Variants in NUCKS1 observed in about 807,000 individuals in gnomAD.
NUCKS1 encodes the protein nuclear casein kinase and cyclin dependent kinase substrate 1.
A neutral mutation model predicts 33.0 loss-of-function variants in NUCKS1; 2 were observed. The observed-to-expected ratio is 0.06, with a 90% confidence interval of 0.02 to 0.19. NUCKS1 has a LOEUF of 0.19. Among genes scored for constraint, NUCKS1 ranks in the 10% least tolerant of loss-of-function variants. The probability of loss-of-function intolerance (pLI) is 1.00; values close to 1 mark genes in which losing one functional copy is unlikely to be tolerated. For missense variants in NUCKS1, 201 were observed against 293.6 expected (o/e 0.68, Z 2.31); for synonymous variants, 106 against 102.8 (o/e 1.03, Z -0.19).
Position 205,717,815 on chromosome 1 carries a change from A to G in NUCKS1, c.*465T>C, listed in dbSNP as rs1278011647. ...TGATTTTTTAAAAGTCCAGGTAGAG[A>G]AAGGAGCAATCATTTTGAACTAAAA... On this transcript the variant is annotated 3_prime_UTR_variant, in exon 7 of 7. Coordinates refer to ENST00000367142, the MANE Select transcript of NUCKS1 (RefSeq NM_022731.5). 1 of 985,430 alleles carries G rather than the reference A, an allele frequency of 1.0e-6. No homozygotes were observed. The highest frequency in any genetic ancestry group is 1.2e-6 in the Non-Finnish European group (1 of 829,900). 61.0% of individuals were successfully genotyped at this position (985,430 alleles called of 1,614,324 possible). A position where few individuals can be genotyped will look rare whatever the true frequency, so the allele number is the denominator to read the frequency against.
In NUCKS1 at chr1:205,750,069, A is replaced by C; in HGVS notation, c.-96T>G. 1.1e-5 allele frequency: 11 copies of C among 956,908 alleles called. No homozygotes were observed. The highest frequency in any genetic ancestry group is 1.4e-5 in the Non-Finnish European group (10 of 733,730). 59.3% of individuals were successfully genotyped at this position (956,908 alleles called of 1,614,324 possible). A position where few individuals can be genotyped will look rare whatever the true frequency, so the allele number is the denominator to read the frequency against. ...CCCCACCCCCCCCGAACTTCAGCCG[A>C]TGGGACCGCTGCTGCCGAACCCCGA... On this transcript the variant is annotated 5_prime_UTR_variant, in exon 1 of 7. Coordinates refer to ENST00000367142, the MANE Select transcript of NUCKS1 (RefSeq NM_022731.5).
intron 1 of NUCKS1, among the ~76,000 whole-genome samples, chr1:205,741,414 T>C (rs932785757): frequency 6.6e-6 from 1 of 151,798 alleles, no homozygotes. Context: ...TTTTTCCCAG[T>C]GGAAGTTTAG....
Position 205,728,911 on chromosome 1 carries a change from A to AT in NUCKS1, c.67+660dup, listed in dbSNP as rs1373520324. The stretch of plus-strand genomic sequence containing the variant: ...AGTTTTATTGTAGTAACAGCAGGAG[A>AT]TTTTTTTTCCCCTGCAAAGTGCTGG... On this transcript the variant is annotated intron_variant, in intron 2 of 6. Coordinates refer to ENST00000367142, the MANE Select transcript of NUCKS1 (RefSeq NM_022731.5). Among the ~76,000 whole-genome samples, 5 of 151,978 alleles carry AT rather than the reference A, an allele frequency of 3.3e-5. No homozygotes were observed. The East Asian group carries it at 5.8e-4, about 18-fold the overall frequency.
intron 1 of NUCKS1, among the ~76,000 whole-genome samples, chr1:205,732,504 C>G (rs1008080524): frequency 6.6e-6 from 1 of 152,042 alleles, no homozygotes; most frequent in African/African-American, 2.4e-5. Context: ...TAACATGGGC[C>G]GGGCACAGTG....
intron 1 of NUCKS1, among the ~76,000 whole-genome samples, chr1:205,743,319 A>G (rs1181560057): frequency 6.6e-6 from 1 of 152,250 alleles, no homozygotes; most frequent in Non-Finnish European, 1.5e-5. Context: ...GCAAGATACT[A>G]TTACTCCAAT....
chr1:205,730,669 A>G (rs1182803356), intron 1 of NUCKS1, among the ~76,000 whole-genome samples: 1 of 151,398 alleles, frequency 6.6e-6, no homozygotes, highest in Admixed American at 6.6e-5. Flanking sequence ...TTGTATCTTT[A>G]GTAGAGACGG....
chr1:205,745,397 G>A (rs1327960210), intron 1 of NUCKS1, among the ~76,000 whole-genome samples: 3 of 152,126 alleles, frequency 2.0e-5, no homozygotes, highest in African/African-American at 4.8e-5. Flanking sequence ...GCTGAGGTGG[G>A]AGGATCACCT....
chr1:205,713,858 T>TA lies in NUCKS1; in HGVS notation c.*4421dup, dbSNP rs1671782822. 6.6e-6 allele frequency: 1 copy of TA among 152,070 alleles called. No individual in the cohort carries two copies. The highest frequency in any genetic ancestry group is 1.5e-5 in the Non-Finnish European group (1 of 68,006). The allele number at this position is 152,070 out of a possible 1,614,324, so 9.4% of individuals were successfully genotyped here. ...TCTTTTACCCTTCCTGCTCAGAACATAAAAGATTAAGGACTAAAATCAAGG... is the reference window on the plus strand; with the variant it reads ...TCTTTTACCCTTCCTGCTCAGAACATAAAAAGATTAAGGACTAAAATCAAGG... On this transcript the variant is annotated 3_prime_UTR_variant, in exon 7 of 7. Coordinates refer to ENST00000367142, the MANE Select transcript of NUCKS1 (RefSeq NM_022731.5).
chr1:205,720,749 C>A (rs1307052876), intron 4 of NUCKS1, 96 bp from the exon 5 acceptor site: 8 of 1,250,312 alleles, frequency 6.4e-6, no homozygotes, highest in Non-Finnish European at 8.8e-6. Flanking sequence ...ACATAACTGA[C>A]TGAAAAGGCC....
In NUCKS1 at chr1:205,732,881, T is replaced by C. The variant is rs547064167; in HGVS notation, c.18-3260A>G. On this transcript the variant is annotated intron_variant, in intron 1 of 6. Transcript: ENST00000367142. ...TTAAAAATATGACTATGAAAAAATC[T>C]AATATTTTTGGGCTACTATGGAAAT... 6.6e-5 allele frequency among the ~76,000 whole-genome samples: 10 copies of C among 151,856 alleles called. No individual in the cohort carries two copies. The South Asian group carries it at 2.1e-3, about 31-fold the overall frequency.
intron 1 of NUCKS1, among the ~76,000 whole-genome samples, chr1:205,738,515 T>C (rs987915580): frequency 2.0e-5 from 3 of 151,014 alleles, no homozygotes; most frequent in Non-Finnish European, 4.4e-5. Context: ...CCTCCCACCA[T>C]GCTGAGATTA....
In NUCKS1 at chr1:205,717,591, G is replaced by C. The variant is rs202133516; in HGVS notation, c.*689C>G. The C allele has an allele frequency of 3.7e-4, 366 of 983,394 alleles. 3 individuals are homozygous for C. The East Asian group carries it at 5.2e-3, about 14-fold the overall frequency. 60.9% of individuals were successfully genotyped at this position (983,394 alleles called of 1,614,324 possible). A position where few individuals can be genotyped will look rare whatever the true frequency, so the allele number is the denominator to read the frequency against. ...AGATAACAAGTGATGAAATAAAAAAGAAAGCCCATACCCTCAAATAAGGTC... is the reference window on the plus strand; with the variant it reads ...AGATAACAAGTGATGAAATAAAAAACAAAGCCCATACCCTCAAATAAGGTC... On this transcript the variant is annotated 3_prime_UTR_variant, in exon 7 of 7. Coordinates refer to ENST00000367142, the MANE Select transcript of NUCKS1 (RefSeq NM_022731.5).
chr1:205,723,885 C>G, intron 4 of NUCKS1, 41 bp downstream of exon 4: 2 of 1,353,866 alleles, frequency 1.5e-6, no homozygotes, highest in Non-Finnish European at 2.1e-6. Flanking sequence ...AAATAATATA[C>G]AAATATAATT....
At chr1:205,737,464 C>T (rs572477621) in intron 1 of NUCKS1, among the ~76,000 whole-genome samples, 2 of 152,320 alleles carry the variant, frequency 1.3e-5, no homozygotes, top group Admixed American at 1.3e-4. Context: ...TTTCAGGCAA[C>T]AGTGCAAACA....
At chr1:205,734,171 G>A (rs1477295363) in intron 1 of NUCKS1, among the ~76,000 whole-genome samples, 1 of 151,984 alleles carries the variant, frequency 6.6e-6, no homozygotes, top group Non-Finnish European at 1.5e-5. Context: ...GAGCCACCAG[G>A]CCTGGCCTGT....
chr1:205,750,104 T>G lies in NUCKS1; in HGVS notation c.-131A>C. ...TGCTGCCGAACCCCGAGCTGCTGGC[T>G]TCTCAAACTCCGCTGCTCTTTGGTT... On this transcript the variant is annotated 5_prime_UTR_variant, in exon 1 of 7. Transcript: ENST00000367142. The G allele has an allele frequency of 2.4e-6, 2 of 845,260 alleles. No homozygotes were observed. The highest frequency in any genetic ancestry group is 1.9e-5 in the African/African-American group (1 of 53,418). The allele number at this position is 845,260 out of a possible 1,614,324, so 52.4% of individuals were successfully genotyped here.
chr1:205,724,071 G>C (rs1671964457), intron 3 of NUCKS1, 90 bp from the exon 4 acceptor site: 1 of 923,826 alleles, frequency 1.1e-6, no homozygotes, highest in Non-Finnish European at 1.8e-6. Flanking sequence ...TTGAGAAGAA[G>C]TGAAAAATAC....
intron 4 of NUCKS1, among the ~76,000 whole-genome samples, chr1:205,722,996 T>C (rs1036744689): frequency 4.6e-5 from 7 of 152,362 alleles, no homozygotes; most frequent in Admixed American, 4.6e-4. Context: ...AAGTGCTCAA[T>C]AAACTAGCAA....
chr1:205,725,727 G>A (rs773220677), intron 3 of NUCKS1, among the ~76,000 whole-genome samples: 19 of 152,110 alleles, frequency 1.2e-4, no homozygotes, highest in Admixed American at 2.6e-4. Flanking sequence ...AATAAAACCT[G>A]TATTTATTTC....
Sources: gnomAD v4.1 joint callset for allele counts (sites outside exome capture counted in the v4.1 genomes callset) on GRCh38, gnomAD v4.1.1 for gene constraint, MANE v1.5 for transcripts, NCBI Gene and HGNC (gene_info 2026-07-23, HGNC 2026-07-21) for gene names.